DOCK2: variants seen among roughly 807,000 people sequenced by gnomAD.
DOCK2 encodes the protein dedicator of cytokinesis protein 2.
Under a neutral mutation model 248.9 loss-of-function variants are expected in DOCK2, and 87 were observed. The ratio of observed to expected loss-of-function variants is 0.35; its 90% confidence interval spans 0.29 to 0.42. DOCK2 has a LOEUF of 0.42. Among genes scored for constraint, DOCK2 ranks in the 10% least tolerant of loss-of-function variants. DOCK2 has a pLI of 1.00. For synonymous variants in DOCK2, 805 were observed against 821.6 expected (o/e 0.98, Z 0.35); for missense variants, 1,747 against 2,300.2 (o/e 0.76, Z 4.92).
chr5:169,865,319 G>A (rs1412849120), intron 27 of DOCK2, among the ~76,000 whole-genome samples: 1 of 152,184 alleles, frequency 6.6e-6, no homozygotes, highest in African/African-American at 2.4e-5. Flanking sequence ...CCTGAGGTCA[G>A]GGGAGGTGGG....
At position 170,075,948 on chromosome 5, in the gene DOCK2, T is replaced by C. The variant is rs778919128; in HGVS notation, c.4730T>C (p.Ile1577Thr). 1.9e-6 allele frequency: 3 copies of C among 1,613,978 alleles called. No homozygotes were observed. ...CATTCTTTACCACTTTCTCTCCAGA[T>C]CCCCTTCTTGGGAGCTGGGATTAAG... is the stretch of plus-strand genomic sequence containing the variant. ...THLKDLIAWQIPFLGAGIKIH... is the reference protein window; with the variant it reads ...THLKDLIAWQTPFLGAGIKIH... Residue 1577 changes from isoleucine to threonine, a missense_variant and splice_region_variant, in exon 47 of 52, where the codon ATC (isoleucine) becomes ACC (threonine). Transcript: ENST00000520908.
intron 44 of DOCK2, among the ~76,000 whole-genome samples, chr5:170,064,402 C>T (rs1757426037): frequency 6.6e-6 from 1 of 151,730 alleles, no homozygotes; most frequent in African/African-American, 2.4e-5. Context: ...AGAATTCTAA[C>T]AAAGAGAAAG....
chr5:169,643,424 C>A (rs1386131869), intron 1 of DOCK2, among the ~76,000 whole-genome samples: 1 of 19,336 alleles, frequency 5.2e-5, no homozygotes, highest in South Asian at 2.1e-3. Context: ...TGGGGCGGGG[C>A]GGGAGGGATG....
chr5:170,057,992 C>G (rs1242674434), intron 44 of DOCK2, among the ~76,000 whole-genome samples: 2 of 152,156 alleles, frequency 1.3e-5, no homozygotes, highest in Non-Finnish European at 2.9e-5. Flanking sequence ...CCATCTCCCC[C>G]TCATACTCCT....
At chr5:169,949,296 G>T (rs899153261) in intron 27 of DOCK2, among the ~76,000 whole-genome samples, 1 of 152,120 alleles carries the variant, frequency 6.6e-6, no homozygotes, top group Non-Finnish European at 1.5e-5. Context: ...TTCCCAGGAG[G>T]GAGATCATAA....
rs553964527 is a variant in DOCK2, at chr5:170,048,228, C to T, written c.4071+614C>T. Among the ~76,000 whole-genome samples the T allele has an allele frequency of 2.1e-3, 313 of 151,922 alleles. 10 individuals are homozygous for T. The South Asian group carries it at 0.038, about 18-fold the overall frequency. On this transcript the variant is annotated intron_variant, in intron 40 of 51. Transcript: ENST00000520908. The stretch of plus-strand genomic sequence containing the variant: ...GTAACACGGTGAAACCCTGCCTCTA[C>T]AAAAAATACAAAAATTAGCTGGGCG...
intron 47 of DOCK2, among the ~76,000 whole-genome samples, chr5:170,077,339 A>G (rs1485743320): frequency 6.6e-6 from 1 of 152,194 alleles, no homozygotes; most frequent in Non-Finnish European, 1.5e-5. Flanking sequence ...GGTTGAGCTG[A>G]TACCACATGG....
At chr5:170,069,054 T>C in intron 45 of DOCK2, 83 bp from the exon 46 acceptor site, 1 of 1,280,400 alleles carries the variant, frequency 7.8e-7, no homozygotes, top group Non-Finnish European at 1.1e-6. Context: ...CCTTTCAAAT[T>C]GAATCTTCTC....
intron 46 of DOCK2, among the ~76,000 whole-genome samples, chr5:170,071,288 A>G (rs1274441641): frequency 6.6e-6 from 1 of 152,208 alleles, no homozygotes; most frequent in Admixed American, 6.5e-5. Context: ...GTGATGGACA[A>G]AATTGGGCCT....
intron 30 of DOCK2, among the ~76,000 whole-genome samples, chr5:170,006,701 T>G (rs972242262): frequency 6.6e-6 from 1 of 152,196 alleles, no homozygotes; most frequent in Non-Finnish European, 1.5e-5. Flanking sequence ...CTCAACAAAA[T>G]GTAAACTGCG....
chr5:169,782,731 G>C lies in DOCK2; in HGVS notation c.2555-20327G>C, dbSNP rs80293613. On this transcript the variant is annotated intron_variant, in intron 25 of 51. Coordinates refer to ENST00000520908, the MANE Select transcript of DOCK2 (RefSeq NM_004946.3). ...TTTGCTTTACCCATCCTTGCCTAGA[G>C]GGGATTTCATCCACTCTGCTGGCTC... Among the ~76,000 whole-genome samples the C allele has an allele frequency of 7.1e-3, 1,086 of 152,176 alleles. 19 individuals are homozygous for C. The highest frequency in any genetic ancestry group is 0.025 in the African/African-American group (1,048 of 41,506).
intron 26 of DOCK2, among the ~76,000 whole-genome samples, chr5:169,816,164 G>T (rs1410259174): frequency 6.6e-6 from 1 of 152,182 alleles, no homozygotes; most frequent in African/African-American, 2.4e-5. Context: ...TGGTATAAAT[G>T]TAAATCCTTA....
At chr5:169,902,968 CAT>C (rs1774018135) in intron 27 of DOCK2, among the ~76,000 whole-genome samples, 2 of 152,002 alleles carry the variant, frequency 1.3e-5, no homozygotes, top group Non-Finnish European at 2.9e-5. Context: ...TGTGGTGGCA[CAT>C]GCCTGTAGTC....
chr5:169,744,016 A>G (rs1255503028), intron 22 of DOCK2, among the ~76,000 whole-genome samples: 1 of 151,630 alleles, frequency 6.6e-6, no homozygotes, highest in African/African-American at 2.4e-5. Context: ...TGCAGGATAT[A>G]TTTTCATCCC....
At chr5:169,945,263 A>G (rs980256735) in intron 27 of DOCK2, among the ~76,000 whole-genome samples, 2 of 152,266 alleles carry the variant, frequency 1.3e-5, no homozygotes, top group Admixed American at 6.5e-5. Context: ...CAACGGGTCA[A>G]TAATACCATA....
At chr5:169,753,898 C>G (rs1024675624) in intron 23 of DOCK2, among the ~76,000 whole-genome samples, 20 of 152,150 alleles carry the variant, frequency 1.3e-4, no homozygotes, top group African/African-American at 4.1e-4. Flanking sequence ...ATCGTTTTTC[C>G]AGTTTCTATG....
intron 25 of DOCK2, among the ~76,000 whole-genome samples, chr5:169,766,884 C>T (rs997402588): frequency 1.3e-5 from 2 of 152,180 alleles, no homozygotes; most frequent in African/African-American, 4.8e-5. Context: ...TCTCCTGCCT[C>T]AGCCTCCCAA....
intron 35 of DOCK2, among the ~76,000 whole-genome samples, chr5:170,036,217 C>T (rs1043934704): frequency 1.3e-5 from 2 of 152,106 alleles, no homozygotes; most frequent in Non-Finnish European, 2.9e-5. Flanking sequence ...CTTGGCAGCC[C>T]ACCTCTCAAT....
intron 27 of DOCK2, among the ~76,000 whole-genome samples, chr5:169,935,998 A>T (rs1430524277): frequency 1.3e-5 from 2 of 152,058 alleles, no homozygotes; most frequent in South Asian, 2.1e-4. Flanking sequence ...GTTAACATAA[A>T]TTTTTTCTTG....
Sources: allele counts gnomAD v4.1 joint callset (sites outside exome capture counted in the v4.1 genomes callset), GRCh38; gene constraint gnomAD v4.1.1; transcripts MANE v1.5; gene names NCBI Gene and HGNC (gene_info 2026-07-23, HGNC 2026-07-21).